Variants in CDH26 observed in about 807,000 individuals in gnomAD.
The protein encoded by CDH26 is cadherin-like protein 26.
In CDH26, 83 loss-of-function variants were observed where a neutral mutation model predicts 90.3. The ratio of observed to expected loss-of-function variants is 0.92; its 90% CI spans 0.77 to 1.10. CDH26 has a LOEUF of 1.10. Among genes scored for constraint, CDH26 ranks in the 50% least tolerant of loss-of-function variants. The probability of loss-of-function intolerance (pLI) is 0.00; values close to 1 mark genes in which losing one functional copy is unlikely to be tolerated. For synonymous variants in CDH26, 397 were observed against 396.3 expected (o/e 1.00, Z -0.02); for missense variants, 1,013 against 1,037.6 (o/e 0.98, Z 0.33).
chr20:59,965,696 C>T (rs1358143462), intron 1 of CDH26, among the ~76,000 whole-genome samples: 2 of 152,172 alleles, frequency 1.3e-5, no homozygotes, highest in African/African-American at 2.4e-5. Flanking sequence ...ATTTTAATAA[C>T]CTGGAACAGA....
Position 59,995,872 on chromosome 20 carries a change from G to T in CDH26, c.1706G>T (p.Arg569Leu). The part of the protein sequence containing the change: ...VELLTLRSLP[R>L]GNYLVPLFIG... ...CTTTTAACCTTGAGAAGCCTGCCAC[G>T]TGGTAATTACTTGGTGCCACTCTTC... Residue 569 changes from arginine (R) to leucine (L), a missense_variant, in exon 12 of 18, where the codon CGT becomes CTT. Coordinates refer to ENST00000348616, the MANE Select transcript of CDH26 (RefSeq NM_177980.4). The T allele has an allele frequency of 8.7e-6, 14 of 1,614,208 alleles. No homozygotes were observed. The highest frequency in any genetic ancestry group is 1.3e-5 in the African/African-American group (1 of 75,054).
At chr20:60,015,873 G>C (rs769721374), downstream of CDH26, among the ~76,000 whole-genome samples, 2 of 152,112 alleles carry the variant, frequency 1.3e-5, no homozygotes, top group Non-Finnish European at 2.9e-5. Context: ...CCATTTGTTG[G>C]AAAGACTATC....
At chr20:59,993,802 C>T (rs1320119350) in intron 10 of CDH26, among the ~76,000 whole-genome samples, 1 of 152,186 alleles carries the variant, frequency 6.6e-6, no homozygotes, top group African/African-American at 2.4e-5. Context: ...TCCTGAGTAT[C>T]CTTTGCCAGT....
Position 60,031,516 on chromosome 20 carries a change from A to G in CDH26, c.1143+90A>G, listed in dbSNP as rs180772284. On this transcript the variant is annotated intron_variant, in intron 8 of 8. Coordinates refer to the CDH26 transcript ENST00000370991. ...TCAGGCGTTCAAGTTAATCCTTGAG[A>G]ATTAAATCAATTGAATTAATTATTT... is the stretch of plus-strand genomic sequence containing the variant. The G allele has an allele frequency of 8.7e-6, 9 of 1,028,746 alleles. No homozygotes were observed. The Admixed American group carries it at 5.1e-4, about 58-fold the overall frequency. 63.7% of individuals were successfully genotyped at this position (1,028,746 alleles called of 1,614,324 possible). A position where few individuals can be genotyped will look rare whatever the true frequency, so the allele number is the denominator to read the frequency against.
chr20:59,968,788 A>G (rs1199147813), intron 1 of CDH26, among the ~76,000 whole-genome samples, 179 bp from the exon 2 acceptor site: 1 of 152,196 alleles, frequency 6.6e-6, no homozygotes, highest in Non-Finnish European at 1.5e-5. Flanking sequence ...CTATAGTTAG[A>G]GAAGATAAGT....
intron 17 of CDH26, among the ~76,000 whole-genome samples, chr20:60,008,857 C>T (rs2061789382): frequency 1.3e-5 from 2 of 152,246 alleles, no homozygotes; most frequent in South Asian, 4.1e-4. Flanking sequence ...TTCAAGACAA[C>T]ACAGACATCT....
chr20:59,962,610 C>G (rs989991058), intron 1 of CDH26, among the ~76,000 whole-genome samples: 3 of 152,150 alleles, frequency 2.0e-5, no homozygotes, highest in African/African-American at 7.2e-5. Context: ...CTGCAAATAG[C>G]CTATTTCCAA....
intron 1 of CDH26, among the ~76,000 whole-genome samples, chr20:59,968,014 CCTTT>C (rs1176367660): frequency 1.7e-5 from 1 of 60,554 alleles, no homozygotes; most frequent in East Asian, 4.9e-4. Flanking sequence ...TTTCTTTCTT[CCTTT>C]CTCTCTGTCT....
Position 59,999,632 on chromosome 20 carries a change from C to A in CDH26, c.2066C>A (p.Thr689Lys). 1 of 1,614,152 alleles carries A rather than the reference C, an allele frequency of 6.2e-7. No homozygotes were observed. Among genetic ancestry groups the A allele is most frequent in the Non-Finnish European group, 8.5e-7 (1 of 1,179,998 alleles). Residue 689 changes from threonine to lysine, a missense_variant, in exon 14 of 18, where the codon ACA (threonine) becomes AAA (lysine). Coordinates refer to ENST00000348616, the MANE Select transcript of CDH26 (RefSeq NM_177980.4). ...EGQRPALLIC[T>K]AAAGPTQGVK... ...CAGAGGCCGGCTCTGCTCATCTGCA[C>A]AGCTGCAGCAGGACCCACGCAGGGA...
chr20:59,964,893 A>T (rs548696543), intron 1 of CDH26, among the ~76,000 whole-genome samples: 36 of 152,226 alleles, frequency 2.4e-4, no homozygotes, highest in Non-Finnish European at 4.7e-4. Flanking sequence ...CCCAGAGGGA[A>T]CAAGAAACCT....
At chr20:59,976,057 A>G (rs989396197) in intron 4 of CDH26, among the ~76,000 whole-genome samples, 2 of 152,124 alleles carry the variant, frequency 1.3e-5, no homozygotes, top group Non-Finnish European at 2.9e-5. Context: ...CCCAAAACCC[A>G]TCTTTTTATA....
chr20:60,032,378 T>C (rs1293220956), intron 8 of CDH26, among the ~76,000 whole-genome samples: 1 of 152,046 alleles, frequency 6.6e-6, no homozygotes, highest in African/African-American at 2.4e-5. Context: ...GACGAGGAGG[T>C]GAGAATGAAC....
intron 10 of CDH26, among the ~76,000 whole-genome samples, chr20:59,993,373 A>G (rs1404325256): frequency 6.6e-6 from 1 of 152,228 alleles, no homozygotes; most frequent in Non-Finnish European, 1.5e-5. Context: ...TCACCTGAGT[A>G]GAGTACCTTG....
intron 16 of CDH26, among the ~76,000 whole-genome samples, chr20:60,003,710 A>T: frequency 6.6e-6 from 1 of 152,348 alleles, no homozygotes; most frequent in East Asian, 1.9e-4. Flanking sequence ...CAATATTGTT[A>T]TTGAAATAAT....
chr20:60,022,057 T>C (rs1699456466), intron 7 of CDH26, among the ~76,000 whole-genome samples: 1 of 151,954 alleles, frequency 6.6e-6, no homozygotes, highest in African/African-American at 2.4e-5. Context: ...TATTATATAT[T>C]ATCACCTTCC....
At chr20:59,990,549 T>TA (rs1661996983) in intron 9 of CDH26, among the ~76,000 whole-genome samples, 1 of 152,222 alleles carries the variant, frequency 6.6e-6, no homozygotes, top group African/African-American at 2.4e-5. Context: ...GCTAGATTTT[T>TA]TAAAAATTTA....
Position 59,994,317 on chromosome 20 carries a change from G to T in CDH26, c.1494G>T (p.Pro498=). The change falls in exon 11 of 18, where the codon CCG becomes CCT. Residue 498 remains proline (P), a synonymous_variant. Coordinates refer to ENST00000348616, the MANE Select transcript of CDH26 (RefSeq NM_177980.4). The part of the protein sequence containing the change: ...LFLSDINDNV[P]TLRPRSRYME... ...TGTCTGACATCAATGACAACGTCCC[G>T]ACTCTCCGGCCACGTTCCCGCTACA... 1 of 1,613,820 alleles carries T rather than the reference G, an allele frequency of 6.2e-7. No individual in the cohort carries two copies. Among genetic ancestry groups the T allele is most frequent in the South Asian group, 1.1e-5 (1 of 91,050 alleles).
Position 59,989,005 on chromosome 20 carries a change from G to A in CDH26, c.1125G>A (p.Arg375=), listed in dbSNP as rs2061493257. 6.2e-7 allele frequency: 1 copy of A among 1,614,214 alleles called. No homozygotes were observed. ...FCERGKLQPP[R]KAAASATVSV... ...AGAGAGGAAAGCTTCAGCCGCCAAGGAAGGCAGCAGCCAGCGCCACTGTGA... is the reference window on the plus strand; with the variant it reads ...AGAGAGGAAAGCTTCAGCCGCCAAGAAAGGCAGCAGCCAGCGCCACTGTGA... Residue 375 remains arginine, a synonymous_variant, in exon 9 of 18, where the codon AGG becomes AGA. Coordinates refer to ENST00000348616, the MANE Select transcript of CDH26 (RefSeq NM_177980.4).
At chr20:59,970,925 C>A (rs1003040523) in intron 3 of CDH26, among the ~76,000 whole-genome samples, 8 of 152,042 alleles carry the variant, frequency 5.3e-5, no homozygotes, top group Admixed American at 2.0e-4. Flanking sequence ...CACAAGGAAC[C>A]CACATTCCCA....
Sources: gnomAD v4.1 joint callset for allele counts (sites outside exome capture counted in the v4.1 genomes callset) on GRCh38, gnomAD v4.1.1 for gene constraint, MANE v1.5 for transcripts, NCBI Gene and HGNC (gene_info 2026-07-23, HGNC 2026-07-21) for gene names.